GINS4: variants seen among roughly 807,000 people sequenced by gnomAD.
The protein encoded by GINS4 is GINS complex subunit 4.
Under a neutral mutation model 31.1 loss-of-function variants are expected in GINS4, and 20 were observed. The observed-to-expected ratio is 0.64, with a 90% CI of 0.45 to 0.93. GINS4 has a LOEUF of 0.93. GINS4 is among the 40% of genes least tolerant of loss of function. GINS4 has a pLI of 0.00. For missense variants in GINS4, 245 were observed against 273.9 expected (o/e 0.89, Z 0.75); for synonymous variants, 85 against 97.9 (o/e 0.87, Z 0.78).
chr8:41,542,101 C>T lies in GINS4; in HGVS notation c.*14C>T, dbSNP rs1806851969. 2.5e-6 allele frequency: 4 copies of T among 1,597,426 alleles called. No individual in the cohort carries two copies. Among genetic ancestry groups the T allele is most frequent in the African/African-American group, 1.3e-5 (1 of 74,654 alleles). ...CAGCTAATTTAAAACTAGGCATAAA[C>T]AGCCAGGCATGGTGACTCAAGCCTG... On this transcript the variant is annotated 3_prime_UTR_variant, in exon 8 of 8. Transcript: ENST00000276533.
Position 41,542,212 on chromosome 8 carries a change from C to A in GINS4, c.*125C>A. 1 of 706,542 alleles carries A rather than the reference C, an allele frequency of 1.4e-6. No homozygotes were observed. Among genetic ancestry groups the A allele is most frequent in the Non-Finnish European group, 2.5e-6 (1 of 392,402 alleles). The allele number at this position is 706,542 out of a possible 1,614,324, so 43.8% of individuals were successfully genotyped here. Reference sequence around the variant, plus strand: ...ACCGACCAACATGGTGAAACCCCATCTTTACTAAAAATACAAAATAATTAG... The same window carrying A: ...ACCGACCAACATGGTGAAACCCCATATTTACTAAAAATACAAAATAATTAG... On this transcript the variant is annotated 3_prime_UTR_variant, in exon 8 of 8. Transcript: ENST00000276533.
rs1371784534 is a variant in GINS4, at chr8:41,543,532, GTGAA to G, written c.*1453_*1456del. 2.0e-5 allele frequency: 3 copies of G among 152,246 alleles called. 1 individual carries two copies. The highest frequency in any genetic ancestry group is 2.0e-4 in the Admixed American group (3 of 15,282). The allele number at this position is 152,246 out of a possible 1,614,324, so 9.4% of individuals were successfully genotyped here. A position where few individuals can be genotyped will look rare whatever the true frequency, so the allele number is the denominator to read the frequency against. On this transcript the variant is annotated 3_prime_UTR_variant, in exon 8 of 8. Transcript: ENST00000276533. Reference sequence around the variant, plus strand: ...TGCCGGAAGGAAGGATGTATAGGCAGTGAATGAATGATCTTTCCTTGAAATGCTA... The same window carrying G: ...TGCCGGAAGGAAGGATGTATAGGCAGTGAATGATCTTTCCTTGAAATGCTA...
Position 41,537,167 on chromosome 8 carries a change from TC to T in GINS4, c.184-12del, listed in dbSNP as rs770416211. The T allele has an allele frequency of 2.6e-6, 4 of 1,558,482 alleles. No individual in the cohort carries two copies. Among genetic ancestry groups the T allele is most frequent in the Non-Finnish European group, 3.5e-6 (4 of 1,130,108 alleles). On this transcript the variant is annotated splice_polypyrimidine_tract_variant and intron_variant, in intron 3 of 7. Transcript: ENST00000276533. ...ATCATGTTTTTTATAAACCTTAATTTCTCATTTAATAGGAAGAAAATCTCAG... is the reference window on the plus strand; with the variant it reads ...ATCATGTTTTTTATAAACCTTAATTTTCATTTAATAGGAAGAAAATCTCAG...
chr8:41,541,816 A>C lies in GINS4; in HGVS notation c.492A>C (p.Lys164Asn). 6.2e-7 allele frequency: 1 copy of C among 1,613,876 alleles called. No individual in the cohort carries two copies. The highest frequency in any genetic ancestry group is 8.5e-7 in the Non-Finnish European group (1 of 1,179,774). Residue 164 changes from lysine to asparagine, a missense_variant, in exon 7 of 8, where the codon AAA becomes AAC. Transcript: ENST00000276533. ...TTGTTGTTTTCCTGGCAGTTCCCAA[A>C]CCAGATCTAGATTCTTACGTGTTTC... ...QKVDLFRAVP[K>N]PDLDSYVFLR... is the part of the protein sequence containing the mutation.
chr8:41,532,004 G>A (rs189092954), intron 2 of GINS4, among the ~76,000 whole-genome samples: 10 of 152,198 alleles, frequency 6.6e-5, no homozygotes, highest in East Asian at 3.9e-4. Context: ...ATTGGGTTTC[G>A]CTGTGTTGGC....
At chr8:41,539,361 T>C (rs1440492523) in intron 4 of GINS4, among the ~76,000 whole-genome samples, 2 of 149,706 alleles carry the variant, frequency 1.3e-5, no homozygotes, top group East Asian at 2.0e-4. Context: ...TGATTATTAA[T>C]TGGACTGTGG....
intron 6 of GINS4, among the ~76,000 whole-genome samples, chr8:41,541,586 C>T (rs1486869268): frequency 6.6e-6 from 1 of 152,134 alleles, no homozygotes; most frequent in East Asian, 1.9e-4. Context: ...CTTGTGGAAC[C>T]CTGAATTGGT....
At chr8:41,538,748 A>G (rs942670611) in intron 4 of GINS4, among the ~76,000 whole-genome samples, 1 of 151,762 alleles carries the variant, frequency 6.6e-6, no homozygotes, top group Non-Finnish European at 1.5e-5. Context: ...TCTGTTGCTC[A>G]GGCTGGAGTG....
chr8:41,532,449 A>G (rs1806662717), intron 2 of GINS4, among the ~76,000 whole-genome samples: 1 of 152,342 alleles, frequency 6.6e-6, no homozygotes, highest in East Asian at 1.9e-4. Flanking sequence ...CTAGCAACTC[A>G]GGAAGCCCAA....
At chr8:41,539,319 C>CAAAAAAA (rs36097557) in intron 4 of GINS4, among the ~76,000 whole-genome samples, 1 of 55,752 alleles carries the variant, frequency 1.8e-5, no homozygotes, top group Non-Finnish European at 3.7e-5. Flanking sequence ...GACTCCATCT[C>CAAAAAAA]AAAAAAAAAA....
At position 41,542,963 on chromosome 8, in the gene GINS4, G is replaced by A. The variant is rs1421194063; in HGVS notation, c.*876G>A. 1 of 152,266 alleles carries A rather than the reference G, an allele frequency of 6.6e-6. No homozygotes were observed. The highest frequency in any genetic ancestry group is 2.4e-5 in the African/African-American group (1 of 41,460). 9.4% of individuals were successfully genotyped at this position (152,266 alleles called of 1,614,324 possible). ...CCTTTGTAGTATTTTCTGAGCTAAGGAAAGTCAGGCAGAAGTAGTTCATAA... is the reference window on the plus strand; with the variant it reads ...CCTTTGTAGTATTTTCTGAGCTAAGAAAAGTCAGGCAGAAGTAGTTCATAA... On this transcript the variant is annotated 3_prime_UTR_variant, in exon 8 of 8. Transcript: ENST00000276533.
At chr8:41,532,637 C>A (rs1253338720) in intron 2 of GINS4, among the ~76,000 whole-genome samples, 1 of 151,980 alleles carries the variant, frequency 6.6e-6, no homozygotes, top group Non-Finnish European at 1.5e-5. Flanking sequence ...GAGTTCAAGA[C>A]CATCCTGGCC....
At chr8:41,529,775 G>C (rs1270309733) in intron 1 of GINS4, 1 of 157,304 alleles carries the variant, frequency 6.4e-6, no homozygotes, top group Non-Finnish European at 1.4e-5. Flanking sequence ...GTCAAGCGCT[G>C]TGCTGAGCGC....
chr8:41,535,156 G>A (rs190922615), intron 2 of GINS4, among the ~76,000 whole-genome samples: 6 of 152,094 alleles, frequency 3.9e-5, no homozygotes, highest in East Asian at 2.0e-4. Flanking sequence ...TGACGAATAC[G>A]GTGAAACCCT....
intron 2 of GINS4, among the ~76,000 whole-genome samples, chr8:41,534,644 C>A (rs886742979): frequency 3.9e-5 from 6 of 151,922 alleles, no homozygotes; most frequent in South Asian, 4.2e-4. Flanking sequence ...AGGTGTTCTA[C>A]AGAGATATGA....
intron 5 of GINS4, 27 bp from the exon 6 acceptor site, chr8:41,539,889 A>T: frequency 6.2e-7 from 1 of 1,608,792 alleles, no homozygotes; most frequent in Non-Finnish European, 8.5e-7. Context: ...TGTGTACACC[A>T]CAGCGATTTG....
chr8:41,531,664 A>C (rs761167042), intron 2 of GINS4, among the ~76,000 whole-genome samples: 1 of 152,222 alleles, frequency 6.6e-6, no homozygotes, highest in Non-Finnish European at 1.5e-5. Context: ...AATAACGCAC[A>C]CATGCACCCA....
intron 4 of GINS4, 40 bp downstream of exon 4, chr8:41,537,333 G>C (rs763413770): frequency 7.1e-7 from 1 of 1,401,296 alleles, no homozygotes; most frequent in Admixed American, 1.8e-5. Context: ...AGACAGCACA[G>C]TCTGTAATGC....
Position 41,539,723 on chromosome 8 carries a change from C to T in GINS4, c.343C>T (p.Pro115Ser). ...PHVLEKEKTRPEGEPSSLSPE... is the reference protein window; with the variant it reads ...PHVLEKEKTRSEGEPSSLSPE... Reference sequence around the variant, plus strand: ...TGTCCTTGAGAAGGAAAAAACACGTCCTGAGGGGGAGCCTTCCAGCCTCTC... The same window carrying T: ...TGTCCTTGAGAAGGAAAAAACACGTTCTGAGGGGGAGCCTTCCAGCCTCTC... The change falls in exon 5 of 8, where the codon CCT becomes TCT. Residue 115 changes from proline to serine, a missense_variant. Physicochemically the swap from Pro to Ser is moderately conservative, Grantham distance 74. Transcript: ENST00000276533. 6.2e-7 allele frequency: 1 copy of T among 1,614,140 alleles called. No individual in the cohort carries two copies. The highest frequency in any genetic ancestry group is 8.5e-7 in the Non-Finnish European group (1 of 1,180,004).
Sources: allele counts gnomAD v4.1 joint callset (sites outside exome capture counted in the v4.1 genomes callset), GRCh38; gene constraint gnomAD v4.1.1; transcripts MANE v1.5; gene names NCBI Gene and HGNC (gene_info 2026-07-23, HGNC 2026-07-21).